Variants in GSTA2 observed in about 807,000 individuals in gnomAD.
The protein encoded by GSTA2 is glutathione S-transferase A2.
A neutral mutation model predicts 22.4 loss-of-function variants in GSTA2; 27 were observed. That is an observed-to-expected ratio of 1.21 (90% CI 0.89 to 1.67). The LOEUF (loss-of-function observed/expected upper bound fraction) is 1.67, where lower values mean the gene tolerates loss of function less well. Ranked by LOEUF, GSTA2 falls within the 40% of genes most tolerant of loss-of-function variation. The pLI, the probability that GSTA2 is intolerant of heterozygous loss-of-function variation, is 0.00. For synonymous variants in GSTA2, 121 were observed against 86.8 expected (o/e 1.39, Z -2.19); for missense variants, 302 against 260.2 (o/e 1.16, Z -1.11).
At chr6:52,751,472 C>G in intron 6 of GSTA2, 105 bp downstream of exon 6, 1 of 1,596,538 alleles carries the variant, frequency 6.3e-7, no homozygotes, top group Non-Finnish European at 8.6e-7. Flanking sequence ...CACCAAAGGC[C>G]TGGAGAAGGC....
intron 1 of GSTA2, among the ~76,000 whole-genome samples, chr6:52,762,727 T>C (rs112911066): frequency 0.012 from 1,873 of 152,328 alleles, 42 homozygotes; most frequent in African/African-American, 0.041. Flanking sequence ...TCTGTGTCTC[T>C]TTCTTTTCTC....
At position 52,751,599 on chromosome 6, in the gene GSTA2, A is replaced by T. The variant is rs1762737407; in HGVS notation, c.524T>A (p.Ile175Asn). The T allele has an allele frequency of 6.2e-7, 1 of 1,614,008 alleles. No individual in the cohort carries two copies. Among genetic ancestry groups the T allele is most frequent in the Admixed American group, 1.7e-5 (1 of 60,006 alleles). ...YYVEELDSSLISSFPLLKALK... is the reference protein window; with the variant it reads ...YYVEELDSSLNSSFPLLKALK... The stretch of plus-strand genomic sequence containing the variant: ...CACCTTCAGCAGAGGGAAGCTGGAA[A>T]TAAGGCTAGAGTCAAGCTCTTCCAC... The change falls in exon 6 of 7, where the codon ATT becomes AAT. Residue 175 changes from isoleucine (I) to asparagine (N), a missense_variant. Physicochemically the swap from Ile to Asn is moderately radical, Grantham distance 149 (BLOSUM62 -3). Coordinates refer to ENST00000493422, the MANE Select transcript of GSTA2 (RefSeq NM_000846.5).
intron 6 of GSTA2, 134 bp from the exon 7 acceptor site, chr6:52,750,833 C>G: frequency 4.0e-6 from 4 of 1,003,022 alleles, no homozygotes; most frequent in Non-Finnish European, 5.9e-6. Flanking sequence ...AAGGCAGAAA[C>G]AGACACCCAG....
intron 1 of GSTA2, among the ~76,000 whole-genome samples, chr6:52,760,804 G>GA (rs894820867): frequency 4.9e-4 from 74 of 152,246 alleles, no homozygotes; most frequent in African/African-American, 1.7e-3. Flanking sequence ...TTGCTTGGAA[G>GA]AAAAAACTAA....
chr6:52,757,776 A>C (rs1762872954), intron 2 of GSTA2, 85 bp downstream of exon 2: 1 of 1,123,914 alleles, frequency 8.9e-7, no homozygotes, highest in Admixed American at 1.7e-5. Flanking sequence ...TGCTTCAGTT[A>C]GTAATCATCT....
At chr6:52,760,870 T>A (rs1762939634) in intron 1 of GSTA2, among the ~76,000 whole-genome samples, 1 of 152,150 alleles carries the variant, frequency 6.6e-6, no homozygotes, top group South Asian at 2.1e-4. Flanking sequence ...AGTTGAGGAC[T>A]AGTGTAATTA....
intron 1 of GSTA2, among the ~76,000 whole-genome samples, chr6:52,760,912 A>T (rs552028467): frequency 4.3e-4 from 66 of 152,264 alleles, no homozygotes; most frequent in African/African-American, 1.2e-3. Context: ...ACATCAATTA[A>T]AAAATGGGCT....
rs750525322 is a variant in GSTA2, at chr6:52,750,538, T to C, written c.*39A>G. On this transcript the variant is annotated 3_prime_UTR_variant, in exon 7 of 7. Transcript: ENST00000493422. ...ACTTAATTGTTGCAAAACTTTAGAA[T>C]ACTGGTCTTGCATGTTCTTGACCTC... The C allele has an allele frequency of 3.9e-5, 62 of 1,605,430 alleles. No individual in the cohort carries two copies. The East Asian group carries it at 1.1e-3, about 28-fold the overall frequency.
intron 1 of GSTA2, 102 bp from the exon 2 acceptor site, chr6:52,758,079 A>G (rs1762882184): frequency 1.4e-6 from 1 of 689,744 alleles, no homozygotes; most frequent in Non-Finnish European, 2.5e-6. Flanking sequence ...CTGAAGAAGA[A>G]CCTGCCTTCT....
intron 4 of GSTA2, among the ~76,000 whole-genome samples, chr6:52,753,843 G>T (rs1006421634): frequency 3.3e-5 from 5 of 152,150 alleles, no homozygotes; most frequent in African/African-American, 1.2e-4. Context: ...CCTTGATAAG[G>T]ACATCTGTAC....
At chr6:52,754,871 C>T in intron 4 of GSTA2, 72 bp downstream of exon 4, 1 of 1,601,830 alleles carries the variant, frequency 6.2e-7, no homozygotes, top group South Asian at 1.1e-5. Flanking sequence ...CTGCCATGGT[C>T]CCACCCACTC....
chr6:52,753,824 T>G (rs1163533663), intron 4 of GSTA2, among the ~76,000 whole-genome samples: 1 of 152,230 alleles, frequency 6.6e-6, no homozygotes, highest in Admixed American at 6.5e-5. Context: ...TGCAGAATTA[T>G]TTTTGTCACC....
chr6:52,758,725 G>T (rs577939870), intron 1 of GSTA2, among the ~76,000 whole-genome samples: 29 of 152,294 alleles, frequency 1.9e-4, no homozygotes, highest in African/African-American at 2.6e-4. Flanking sequence ...GCTTCTTTTG[G>T]AATTCTGTAT....
intron 4 of GSTA2, 24 bp from the exon 5 acceptor site, chr6:52,753,019 G>C (rs1484887888): frequency 1.3e-6 from 2 of 1,573,288 alleles, no homozygotes; most frequent in Non-Finnish European, 8.6e-7. Flanking sequence ...ACAACCAAAT[G>C]GTCAAATATC....
At position 52,753,110 on chromosome 6, in the gene GSTA2, A is replaced by C. The variant is rs1279061406; in HGVS notation, c.273-115T>G. 6.3e-6 allele frequency: 6 copies of C among 952,570 alleles called. No homozygotes were observed. In the African/African-American group the frequency reaches 9.9e-5, roughly 16 times the overall value. 59.0% of individuals were successfully genotyped at this position (952,570 alleles called of 1,614,324 possible). A position where few individuals can be genotyped will look rare whatever the true frequency, so the allele number is the denominator to read the frequency against. On this transcript the variant is annotated intron_variant, in intron 4 of 6. Coordinates refer to ENST00000493422, the MANE Select transcript of GSTA2 (RefSeq NM_000846.5). The stretch of plus-strand genomic sequence containing the variant: ...ATGGCAAAATAATTCACCTCCAATG[A>C]GTGCCTTTTATAGTCTAGTCATTAT...
At chr6:52,751,525 C>G in intron 6 of GSTA2, 52 bp downstream of exon 6, 2 of 1,612,632 alleles carry the variant, frequency 1.2e-6, no homozygotes, top group Non-Finnish European at 1.7e-6. Flanking sequence ...GATACAAGAT[C>G]CCAAGATGGG....
At chr6:52,761,940 G>T (rs1762958136) in intron 1 of GSTA2, among the ~76,000 whole-genome samples, 1 of 150,736 alleles carries the variant, frequency 6.6e-6, no homozygotes, top group Non-Finnish European at 1.5e-5. Context: ...GCCTTGAGAT[G>T]CTGTTAATCT....
chr6:52,758,304 C>T (rs1209179567), intron 1 of GSTA2, among the ~76,000 whole-genome samples: 1 of 152,176 alleles, frequency 6.6e-6, no homozygotes, highest in African/African-American at 2.4e-5. Context: ...TTACTGAAAA[C>T]TTCCTAGTGA....
chr6:52,759,583 TTTTTTTTTTTTTTTTTTTG>T (rs1762917120), intron 1 of GSTA2, among the ~76,000 whole-genome samples: 1 of 123,244 alleles, frequency 8.1e-6, no homozygotes. Context: ...TTTTTTTTTT[TTTTTTTTTTTTTTTTTTTG>T]AGACAGAGTT....
Sources: gnomAD v4.1 joint callset for allele counts (sites outside exome capture counted in the v4.1 genomes callset) on GRCh38, gnomAD v4.1.1 for gene constraint, MANE v1.5 for transcripts, NCBI Gene and HGNC (gene_info 2026-07-23, HGNC 2026-07-21) for gene names.